The following LEKR1 variants were observed in gnomAD, a reference collection of about 807,000 sequenced individuals.
The protein encoded by LEKR1 is leucine, glutamate and lysine rich 1.
In LEKR1, 59 loss-of-function variants were observed where a neutral mutation model predicts 72.4. The ratio of observed to expected loss-of-function variants is 0.82; its 90% confidence interval spans 0.66 to 1.01. The LOEUF (loss-of-function observed/expected upper bound fraction) is 1.01. LEKR1 is among the 50% of genes least tolerant of loss of function. The pLI, the probability that LEKR1 is intolerant of heterozygous loss-of-function variation, is 0.00. For missense variants in LEKR1, 728 were observed against 759.2 expected (o/e 0.96, Z 0.48); for synonymous variants, 257 against 263.2 (o/e 0.98, Z 0.23).
At chr3:156,981,542 A>T (rs1291115618) in intron 7 of LEKR1, among the ~76,000 whole-genome samples, 1 of 152,232 alleles carries the variant, frequency 6.6e-6, no homozygotes, top group Non-Finnish European at 1.5e-5. Context: ...TAGAAATGCG[A>T]ATTAGGAAAG....
intron 3 of LEKR1, among the ~76,000 whole-genome samples, chr3:156,884,183 C>T (rs1560051312): frequency 6.6e-6 from 1 of 152,170 alleles, no homozygotes; most frequent in Non-Finnish European, 1.5e-5. Flanking sequence ...ATGTGAGTCT[C>T]TTGAAGACAG....
intron 6 of LEKR1, among the ~76,000 whole-genome samples, chr3:156,960,983 C>T (rs1212371408): frequency 1.3e-5 from 2 of 152,182 alleles, no homozygotes; most frequent in Non-Finnish European, 2.9e-5. Flanking sequence ...AGTCAGTCTA[C>T]TTAAATGATT....
chr3:156,859,287 G>C (rs1716466191), intron 3 of LEKR1, among the ~76,000 whole-genome samples: 1 of 152,102 alleles, frequency 6.6e-6, no homozygotes, highest in Non-Finnish European at 1.5e-5. Flanking sequence ...TTAAGTTCAT[G>C]GGGGTATATA....
intron 6 of LEKR1, among the ~76,000 whole-genome samples, chr3:156,975,230 T>G (rs1298043249): frequency 6.6e-6 from 1 of 152,040 alleles, no homozygotes; most frequent in Non-Finnish European, 1.5e-5. Context: ...CACAGACAAG[T>G]GTTGAGTTCT....
At chr3:156,968,478 A>G (rs1349354228) in intron 6 of LEKR1, among the ~76,000 whole-genome samples, 1 of 152,236 alleles carries the variant, frequency 6.6e-6, no homozygotes, top group Non-Finnish European at 1.5e-5. Context: ...TTGCAATCCT[A>G]GTCTCTGATA....
intron 6 of LEKR1, among the ~76,000 whole-genome samples, chr3:156,972,758 G>A (rs1247372312): frequency 2.0e-5 from 3 of 149,970 alleles, no homozygotes; most frequent in Non-Finnish European, 4.4e-5. Flanking sequence ...TTTAAACAGT[G>A]AGTAAAATAA....
Position 156,993,112 on chromosome 3 carries a change from T to C in LEKR1, c.944T>C (p.Met315Thr), listed in dbSNP as rs1468086110. 5 of 1,608,256 alleles carry C rather than the reference T, an allele frequency of 3.1e-6. No homozygotes were observed. Among genetic ancestry groups the C allele is most frequent in the Non-Finnish European group, 4.2e-6 (5 of 1,178,090 alleles). Residue 315 changes from methionine to threonine, a missense_variant, in exon 9 of 13, where the codon ATG (methionine) becomes ACG (threonine). Coordinates refer to ENST00000356539, the MANE Select transcript of LEKR1 (RefSeq NM_001004316.3). ...MLLKEKEDSL[M>T]TCQQIYKALQ... ...CTTAAGGAAAAAGAAGACTCTTTAA[T>C]GACTTGTCAACAGATATATAAAGCA...
At chr3:156,982,100 A>T (rs1278854549) in intron 7 of LEKR1, among the ~76,000 whole-genome samples, 1 of 152,238 alleles carries the variant, frequency 6.6e-6, no homozygotes, top group East Asian at 1.9e-4. Flanking sequence ...TTTTAAGAAA[A>T]TATTTTCCAA....
At position 157,045,932 on chromosome 3, in the gene LEKR1, G is replaced by C. The variant is rs911418471; in HGVS notation, c.*182G>C. On this transcript the variant is annotated 3_prime_UTR_variant, in exon 13 of 13. Transcript: ENST00000356539. Reference sequence around the variant, plus strand: ...AAAATTGTGAAGCCTTATTTTTCAAGAGGGTTTTGATAGAGTAACAGATCA... The same window carrying C: ...AAAATTGTGAAGCCTTATTTTTCAACAGGGTTTTGATAGAGTAACAGATCA... 1.7e-6 allele frequency: 1 copy of C among 599,346 alleles called. No individual in the cohort carries two copies. Among genetic ancestry groups the C allele is most frequent in the Non-Finnish European group, 2.9e-6 (1 of 348,046 alleles). 37.1% of individuals were successfully genotyped at this position (599,346 alleles called of 1,614,324 possible). A position where few individuals can be genotyped will look rare whatever the true frequency, so the allele number is the denominator to read the frequency against.
intron 6 of LEKR1, among the ~76,000 whole-genome samples, chr3:156,978,882 CA>C (rs1729933886): frequency 6.6e-6 from 1 of 152,128 alleles, no homozygotes; most frequent in Non-Finnish European, 1.5e-5. Context: ...TTATGTTTGT[CA>C]GCTACATACA....
chr3:157,031,595 A>G (rs909903389), intron 12 of LEKR1, among the ~76,000 whole-genome samples: 3 of 152,208 alleles, frequency 2.0e-5, no homozygotes, highest in African/African-American at 4.8e-5. Flanking sequence ...TTATGAGCCA[A>G]AAAGAATAGA....
At chr3:156,952,793 C>A (rs1727282401) in intron 6 of LEKR1, among the ~76,000 whole-genome samples, 3 of 151,530 alleles carry the variant, frequency 2.0e-5, no homozygotes, top group African/African-American at 7.2e-5. Flanking sequence ...TACCAAAAGA[C>A]TGCAAGCAAC....
chr3:156,880,956 A>G (rs1719246259), intron 3 of LEKR1, among the ~76,000 whole-genome samples: 1 of 152,212 alleles, frequency 6.6e-6, no homozygotes, highest in African/African-American at 2.4e-5. Context: ...AAAAACCTTC[A>G]TGCTAAAAAC....
At chr3:156,906,125 G>A (rs34442478) in intron 3 of LEKR1, among the ~76,000 whole-genome samples, 5 of 152,090 alleles carry the variant, frequency 3.3e-5, no homozygotes, top group East Asian at 1.9e-4. Context: ...TGATGTGGCC[G>A]CTTTCTTGTG....
At chr3:156,981,205 G>A (rs62275840) in intron 7 of LEKR1, among the ~76,000 whole-genome samples, 4,944 of 152,188 alleles carry the variant, frequency 0.032, 110 homozygotes, top group Non-Finnish European at 0.047. Flanking sequence ...ACAAAATTGC[G>A]TAATGACACA....
chr3:156,838,342 C>T (rs1356926592), intron 2 of LEKR1, among the ~76,000 whole-genome samples: 1 of 152,188 alleles, frequency 6.6e-6, no homozygotes, highest in Non-Finnish European at 1.5e-5. Context: ...CAAATACGCA[C>T]AATGAGATAA....
intron 10 of LEKR1, among the ~76,000 whole-genome samples, chr3:157,015,127 A>T (rs748021391): frequency 1.3e-5 from 2 of 152,126 alleles, no homozygotes; most frequent in Non-Finnish European, 2.9e-5. Context: ...CCCTGAAAGA[A>T]ATTTCAGGTC....
chr3:156,840,948 A>C (rs1020759147), intron 2 of LEKR1, among the ~76,000 whole-genome samples: 11 of 152,228 alleles, frequency 7.2e-5, no homozygotes, highest in Admixed American at 1.3e-4. Context: ...TATGGTGGAA[A>C]ATAAAAGAAA....
chr3:157,037,020 A>G (rs1323016952), intron 12 of LEKR1, among the ~76,000 whole-genome samples: 1 of 152,224 alleles, frequency 6.6e-6, no homozygotes, highest in Non-Finnish European at 1.5e-5. Flanking sequence ...TACTATAATC[A>G]TATAAAGATG....
Sources: allele counts gnomAD v4.1 joint callset (sites outside exome capture counted in the v4.1 genomes callset), GRCh38; gene constraint gnomAD v4.1.1; transcripts MANE v1.5; gene names NCBI Gene and HGNC (gene_info 2026-07-23, HGNC 2026-07-21).